GAS7: variants seen among roughly 807,000 people sequenced by gnomAD.
The protein encoded by GAS7 is growth arrest-specific protein 7.
A neutral mutation model predicts 71.1 loss-of-function variants in GAS7; 28 were observed. The observed-to-expected ratio is 0.39, with a 90% confidence interval of 0.29 to 0.54. The LOEUF (loss-of-function observed/expected upper bound fraction) is 0.54, where lower values mean the gene tolerates loss of function less well. Ranked by LOEUF, GAS7 falls within the 20% of genes least tolerant of loss-of-function variation. The pLI is 0.62. For synonymous variants in GAS7, 258 were observed against 245.8 expected, an observed-to-expected ratio of 1.05 and a Z score of -0.46; for missense variants, 436 against 627.8, an observed-to-expected ratio of 0.69 and a Z score of 3.27.
rs1165134674 is a variant in GAS7, at chr17:10,019,881, G to T, written c.200C>A (p.Pro67His). ...VQLLEKPGMV[P>H]PPPGEESQTV... ...CTGGCTTTCTTCTCCCGGCGGAGGG[G>T]GGACCATTCCAGGCTTCTGTTGGAG... is the stretch of plus-strand genomic sequence containing the variant. Residue 67 changes from proline (P) to histidine (H), a missense_variant, in exon 2 of 14, where the codon CCC (proline) becomes CAC (histidine). By Grantham distance (77) the Pro-to-His change is moderately conservative (BLOSUM62 -2). Coordinates refer to ENST00000432992, the MANE Select transcript of GAS7 (RefSeq NM_201433.2). The T allele has an allele frequency of 6.2e-7, 1 of 1,613,896 alleles. No individual in the cohort carries two copies. The highest frequency in any genetic ancestry group is 8.5e-7 in the Non-Finnish European group (1 of 1,179,926).
intron 1 of GAS7, among the ~76,000 whole-genome samples, chr17:10,190,812 G>A (rs1164624993): frequency 2.0e-5 from 3 of 151,096 alleles, no homozygotes; most frequent in East Asian, 1.9e-4. Flanking sequence ...ATACACTAAC[G>A]CTACTATAGC....
chr17:10,110,053 C>CA (rs956917519), intron 1 of GAS7, among the ~76,000 whole-genome samples: 23,660 of 72,992 alleles, frequency 0.32, 2,912 homozygotes, highest in East Asian at 0.49. Context: ...GGCTCCGTCT[C>CA]AAAAAAAAAA....
At chr17:10,074,788 T>A (rs1263306141) in intron 1 of GAS7, among the ~76,000 whole-genome samples, 1 of 125,048 alleles carries the variant, frequency 8.0e-6, no homozygotes, top group African/African-American at 3.4e-5. Flanking sequence ...TACCCTGATA[T>A]CAAGTTCAAA....
chr17:10,022,187 G>A (rs1042347336), intron 1 of GAS7, among the ~76,000 whole-genome samples: 1 of 152,142 alleles, frequency 6.6e-6, no homozygotes, highest in Non-Finnish European at 1.5e-5. Context: ...AGCCTAGGAG[G>A]TTGTTGCAGT....
rs115813625 is a variant in GAS7 at position 9,974,344 on chromosome 17, T to A, written c.386-4582A>T. Among the ~76,000 whole-genome samples, 885 of 152,192 alleles carry A rather than the reference T, an allele frequency of 5.8e-3. 14 individuals are homozygous for A. The highest frequency in any genetic ancestry group is 0.02 in the African/African-American group (846 of 41,524). On this transcript the variant is annotated intron_variant, in intron 3 of 13. Transcript: ENST00000432992. The surrounding 1 kb of genome is among the most constrained non-coding windows in gnomAD (Gnocchi z 4.0). ...ATCCTGGCAACCCTCACCCACGGCA[T>A]TCCTCATTGCTATTCCCTGTCCTGG...
At chr17:10,156,535 G>A (rs954862576) in intron 1 of GAS7, among the ~76,000 whole-genome samples, 7 of 152,166 alleles carry the variant, frequency 4.6e-5, no homozygotes, top group African/African-American at 1.7e-4. Flanking sequence ...TTGCCTGTCG[G>A]GAGCTAGCTT....
At chr17:10,090,208 T>G (rs1597785673) in intron 1 of GAS7, among the ~76,000 whole-genome samples, 1 of 148,652 alleles carries the variant, frequency 6.7e-6, no homozygotes, top group Admixed American at 6.7e-5. Context: ...AGGGGAGGAG[T>G]GAGGTGTGAG....
chr17:10,183,710 C>T (rs539665508), intron 1 of GAS7, among the ~76,000 whole-genome samples: 8 of 152,230 alleles, frequency 5.3e-5, no homozygotes, highest in Non-Finnish European at 1.2e-4. Flanking sequence ...GGCGTGGTGG[C>T]GGGTGCCTGT....
chr17:10,189,170 G>A (rs886793753), intron 1 of GAS7, among the ~76,000 whole-genome samples: 2 of 152,150 alleles, frequency 1.3e-5, no homozygotes, highest in Admixed American at 6.5e-5. Flanking sequence ...GGGAAAAAGT[G>A]CATTACAAGT....
At position 9,916,449 on chromosome 17, in the gene GAS7, C is replaced by T. The variant is rs1406042593; in HGVS notation, c.*779G>A. The stretch of plus-strand genomic sequence containing the variant: ...CTTCCTCTAATGAGACTGGGAAGGG[C>T]TGGCAGGGTGGGGGCAGGGGCCTCC... On this transcript the variant is annotated 3_prime_UTR_variant, in exon 14 of 14. Coordinates refer to ENST00000432992, the MANE Select transcript of GAS7 (RefSeq NM_201433.2). The T allele has an allele frequency of 8.6e-6, 2 of 233,904 alleles. No individual in the cohort carries two copies. Among genetic ancestry groups the T allele is most frequent in the Non-Finnish European group, 8.5e-6 (1 of 118,264 alleles). 14.5% of individuals were successfully genotyped at this position (233,904 alleles called of 1,614,324 possible).
chr17:10,190,307 G>A (rs552259942), intron 1 of GAS7, among the ~76,000 whole-genome samples: 17 of 152,288 alleles, frequency 1.1e-4, no homozygotes, highest in South Asian at 2.1e-4. Context: ...GTTTCTGGCC[G>A]GGCGCAGTGG....
At chr17:9,941,533 A>G (rs117064501) in intron 7 of GAS7, among the ~76,000 whole-genome samples, 5 of 152,192 alleles carry the variant, frequency 3.3e-5, no homozygotes, top group Admixed American at 2.0e-4. Flanking sequence ...TCTGAGCCTC[A>G]GCTCTCACCT....
chr17:10,112,788 A>AG lies in GAS7; in HGVS notation c.183+85419_183+85420insC, dbSNP rs1264937685. Among the ~76,000 whole-genome samples, 37 of 151,804 alleles carry AG rather than the reference A, an allele frequency of 2.4e-4. 2 individuals are homozygous for AG. Among genetic ancestry groups the AG allele is most frequent in the Non-Finnish European group, 5.9e-5 (4 of 67,944 alleles). ...AAGAAAGAAAGAAAGAGAGAAAGAG[A>AG]AAGAAAGAAAAGAAAAGAGAGAGAA... On this transcript the variant is annotated intron_variant, in intron 1 of 13. Transcript: ENST00000432992.
At chr17:10,035,628 T>C (rs1047119251) in intron 1 of GAS7, among the ~76,000 whole-genome samples, 3 of 152,280 alleles carry the variant, frequency 2.0e-5, no homozygotes, top group South Asian at 2.1e-4. Context: ...AGCCTTTCCA[T>C]GCAACCTGGA....
chr17:9,930,549 A>G (rs2152078929), intron 9 of GAS7, among the ~76,000 whole-genome samples: 1 of 152,340 alleles, frequency 6.6e-6, no homozygotes, highest in Non-Finnish European at 1.5e-5. Flanking sequence ...GGAGCCAGGT[A>G]TAACTTTCTT....
chr17:10,167,230 T>C (rs1193299610), intron 1 of GAS7, among the ~76,000 whole-genome samples: 1 of 150,720 alleles, frequency 6.6e-6, no homozygotes, highest in East Asian at 2.0e-4. Flanking sequence ...GCTAATTTTG[T>C]GTTTTTAGTA....
At position 10,120,101 on chromosome 17, in the gene GAS7, C is replaced by T. The variant is rs189404109; in HGVS notation, c.183+78107G>A. 6.9e-4 allele frequency among the ~76,000 whole-genome samples: 105 copies of T among 152,136 alleles called. 2 individuals carry two copies. The East Asian group carries it at 0.018, about 26-fold the overall frequency. On this transcript the variant is annotated intron_variant, in intron 1 of 13. Coordinates refer to ENST00000432992, the MANE Select transcript of GAS7 (RefSeq NM_201433.2). ...CAAGGCTGGCCTTCATGCCTGTCCC[C>T]CTGCCCCCGCCCCGTGACAATCCCC...
At chr17:9,954,704 T>C (rs528583267) in intron 5 of GAS7, among the ~76,000 whole-genome samples, 1 of 152,186 alleles carries the variant, frequency 6.6e-6, no homozygotes, top group South Asian at 2.1e-4. Flanking sequence ...TAGCCTCTGG[T>C]TGGTAGGGGC....
At chr17:10,007,903 C>G (rs1039367799) in intron 2 of GAS7, among the ~76,000 whole-genome samples, 2 of 95,656 alleles carry the variant, frequency 2.1e-5, no homozygotes, top group African/African-American at 6.0e-5. Context: ...AATTCCAGCT[C>G]CCCCCCGCAA....
Sources: allele counts gnomAD v4.1 joint callset (sites outside exome capture counted in the v4.1 genomes callset), GRCh38; gene constraint gnomAD v4.1.1; non-coding constraint Gnocchi (gnomAD v3.1); transcripts MANE v1.5; gene names NCBI Gene and HGNC (gene_info 2026-07-23, HGNC 2026-07-21).